DNAH9: variants seen among roughly 807,000 people sequenced by gnomAD.
DNAH9 encodes the protein dynein axonemal heavy chain 9.
DNAH9 carries 345 observed loss-of-function variants against 471.6 expected under a neutral mutation model. That is an observed-to-expected ratio of 0.73 (90% CI 0.67 to 0.80). DNAH9 has a LOEUF of 0.80. DNAH9 is among the 30% of genes least tolerant of loss of function. DNAH9 has a pLI of 0.00. For synonymous variants in DNAH9, 2,093 were observed against 2,123.6 expected (o/e 0.99, Z 0.40); for missense variants, 5,407 against 5,609.2 (o/e 0.96, Z 1.15).
intron 62 of DNAH9, among the ~76,000 whole-genome samples, chr17:11,924,956 A>G (rs1235453244): frequency 6.6e-6 from 1 of 152,106 alleles, no homozygotes; most frequent in Non-Finnish European, 1.5e-5. Flanking sequence ...AGCATTTCAC[A>G]GTAGACAAAA....
In DNAH9 at chr17:11,768,488, GCTGA is replaced by G. The variant is rs372988306; in HGVS notation, c.7211_7214del (p.Thr2404SerfsTer63). Reference sequence around the variant, plus strand: ...ACCGGGCAGAGTTCAGCAAATGGTGGCTGACTGAGTTCAAAACAGTCAAGTTTCC... The same window carrying G: ...ACCGGGCAGAGTTCAGCAAATGGTGGCTGAGTTCAAAACAGTCAAGTTTCC... On this transcript the variant is annotated frameshift_variant, in exon 37 of 69. Coordinates refer to ENST00000262442, the MANE Select transcript of DNAH9 (RefSeq NM_001372.4). LOFTEE classifies it high-confidence loss of function. 1 of 1,614,098 alleles carries G rather than the reference GCTGA, an allele frequency of 6.2e-7. No homozygotes were observed. The highest frequency in any genetic ancestry group is 8.5e-7 in the Non-Finnish European group (1 of 1,179,990).
intron 49 of DNAH9, among the ~76,000 whole-genome samples, chr17:11,851,998 C>G (rs74920161): frequency 6.6e-6 from 1 of 152,142 alleles, no homozygotes; most frequent in African/African-American, 2.4e-5. Flanking sequence ...CTCACTTTGC[C>G]CTCTGTCACC....
chr17:11,797,938 A>C, intron 43 of DNAH9, 145 bp downstream of exon 43: 1 of 780,240 alleles, frequency 1.3e-6, no homozygotes, highest in Non-Finnish European at 2.0e-6. Flanking sequence ...CTGCTGGCAG[A>C]GCAGCTGCAG....
At chr17:11,702,056 G>A (rs11078026) in intron 24 of DNAH9, among the ~76,000 whole-genome samples, 81,222 of 152,124 alleles carry the variant, frequency 0.53, 23,870 homozygotes, top group Admixed American at 0.68. Flanking sequence ...CTGGGGACAC[G>A]CCCCTGAGCA....
intron 17 of DNAH9, among the ~76,000 whole-genome samples, chr17:11,673,398 G>A (rs560544232): frequency 6.6e-6 from 1 of 152,056 alleles, no homozygotes; most frequent in African/African-American, 2.4e-5. Context: ...TCTCACCTTA[G>A]GACTTACCTT....
chr17:11,694,513 T>C, intron 22 of DNAH9, 66 bp downstream of exon 22: 1 of 1,573,624 alleles, frequency 6.4e-7, no homozygotes, highest in Non-Finnish European at 8.7e-7. Context: ...GGAGGCAGTT[T>C]CTGGCTCCCC....
rs1455493300 is a variant in DNAH9, at chr17:11,763,622, G to A, written c.7170+8G>A. Reference sequence around the variant, plus strand: ...GCAATGGTCCAAGATCAGGTAAGGAGATATGTTGAGCTCAACAACCACACT... The same window carrying A: ...GCAATGGTCCAAGATCAGGTAAGGAAATATGTTGAGCTCAACAACCACACT... On this transcript the variant is annotated splice_region_variant and intron_variant, in intron 36 of 68. Transcript: ENST00000262442. 6.2e-7 allele frequency: 1 copy of A among 1,613,238 alleles called. No individual in the cohort carries two copies. The highest frequency in any genetic ancestry group is 1.3e-5 in the African/African-American group (1 of 75,036).
chr17:11,710,080 T>C (rs1337727912), intron 26 of DNAH9, among the ~76,000 whole-genome samples: 2 of 152,208 alleles, frequency 1.3e-5, no homozygotes, highest in Non-Finnish European at 2.9e-5. Context: ...ATTGTTAATA[T>C]GTAGTTTGTT....
Position 11,961,893 on chromosome 17 carries a change from G to A in DNAH9, c.12870G>A (p.Met4290Ile), listed in dbSNP as rs911586154. ...LKGELTMTSH[M>I]ENLQNALYFD... ...GGGAGCTGACTATGACCAGCCACAT[G>A]GAGAACTTACAGAATGCCCTGTACT... Residue 4290 changes from methionine to isoleucine, a missense_variant, in exon 68 of 69, where the codon ATG becomes ATA. This residue lies in a region of DNAH9 where 4,636 missense variants were observed against 4,900.3 expected (regional missense o/e 0.95). Coordinates refer to ENST00000262442, the MANE Select transcript of DNAH9 (RefSeq NM_001372.4). 1.2e-6 allele frequency: 2 copies of A among 1,611,922 alleles called. No homozygotes were observed. Among genetic ancestry groups the A allele is most frequent in the Non-Finnish European group, 8.5e-7 (1 of 1,178,660 alleles).
rs1428285635 is a variant in DNAH9 at position 11,598,916 on chromosome 17, G to C, written c.417+1G>C. ...GCACCTAGCCGCGCTGTTCTCGGAG[G>C]TGAGGGTGGGTTAGTGTCCCCGCGC... On this transcript the variant is annotated splice_donor_variant, in intron 1 of 68. Transcript: ENST00000262442. LOFTEE classifies it high-confidence loss of function. The C allele has an allele frequency of 1.5e-5, 23 of 1,522,140 alleles. No individual in the cohort carries two copies. Among genetic ancestry groups the C allele is most frequent in the Non-Finnish European group, 1.8e-5 (21 of 1,140,632 alleles). 94.3% of individuals were successfully genotyped at this position (1,522,140 alleles called of 1,614,324 possible).
At chr17:11,607,652 C>A (rs1470632447) in intron 1 of DNAH9, among the ~76,000 whole-genome samples, 3 of 152,118 alleles carry the variant, frequency 2.0e-5, no homozygotes, top group Non-Finnish European at 4.4e-5. Flanking sequence ...TCACTGCAAC[C>A]TCCGCCTCCT....
intron 41 of DNAH9, among the ~76,000 whole-genome samples, chr17:11,786,303 G>T (rs926385137): frequency 9.2e-5 from 14 of 152,178 alleles, no homozygotes; most frequent in African/African-American, 2.6e-4. Flanking sequence ...GAGGCTCAGA[G>T]AAGTTACTAG....
At chr17:11,963,429 C>T (rs538042856) in intron 68 of DNAH9, among the ~76,000 whole-genome samples, 14 of 149,750 alleles carry the variant, frequency 9.3e-5, no homozygotes, top group South Asian at 2.1e-4. Flanking sequence ...AGCAAAACTC[C>T]GTCTCAAAAA....
At chr17:11,831,895 A>G (rs968261313) in intron 48 of DNAH9, among the ~76,000 whole-genome samples, 11 of 152,042 alleles carry the variant, frequency 7.2e-5, no homozygotes, top group Admixed American at 3.9e-4. Context: ...GGTCCCCATC[A>G]CCCACCACCA....
chr17:11,941,738 AGT>A (rs1491368153), intron 66 of DNAH9, among the ~76,000 whole-genome samples: 3 of 151,566 alleles, frequency 2.0e-5, no homozygotes, highest in African/African-American at 4.9e-5. Context: ...ATAGATAGAT[AGT>A]GATAGATTAG....
chr17:11,715,831 G>A (rs779293702), intron 26 of DNAH9, among the ~76,000 whole-genome samples: 3 of 152,048 alleles, frequency 2.0e-5, no homozygotes, highest in Admixed American at 6.6e-5. Flanking sequence ...GGCAAGTTTC[G>A]AACTCATTTT....
chr17:11,942,542 C>A, intron 67 of DNAH9, 57 bp downstream of exon 67: 1 of 1,535,918 alleles, frequency 6.5e-7, no homozygotes, highest in Non-Finnish European at 8.8e-7. Flanking sequence ...CAGATGGACC[C>A]CTATGGGGAA....
intron 39 of DNAH9, 83 bp from the exon 40 acceptor site, chr17:11,783,563 G>A (rs916178289): frequency 1.5e-5 from 15 of 976,716 alleles, no homozygotes; most frequent in Non-Finnish European, 2.2e-5. Flanking sequence ...TGAACAGTAG[G>A]GCACATCCTA....
intron 63 of DNAH9, among the ~76,000 whole-genome samples, chr17:11,930,745 A>C (rs1974479815): frequency 7.0e-6 from 1 of 142,640 alleles, no homozygotes; most frequent in Non-Finnish European, 1.5e-5. Context: ...AGCCTGGGCG[A>C]CAGAGTGAGA....
Sources: gnomAD v4.1 joint callset for allele counts (sites outside exome capture counted in the v4.1 genomes callset) on GRCh38, gnomAD v4.1.1 for gene constraint, gnomAD v4.1.1 regional missense constraint, MANE v1.5 for transcripts, NCBI Gene and HGNC (gene_info 2026-07-23, HGNC 2026-07-21) for gene names.